GALNT13: variants seen among roughly 807,000 people sequenced by gnomAD.
GALNT13 encodes UDP-GalNAc:polypeptide N-acetylgalactosaminyltransferase 13.
GALNT13 carries 28 observed loss-of-function variants against 64.2 expected under a neutral mutation model. The ratio of observed to expected loss-of-function variants is 0.44; its 90% CI spans 0.32 to 0.60. GALNT13 has a LOEUF of 0.60. GALNT13 is among the 20% of genes least tolerant of loss of function. GALNT13 has a pLI of 0.05. For synonymous variants in GALNT13, 214 were observed against 224.6 expected (o/e 0.95, Z 0.42); for missense variants, 577 against 669.8 (o/e 0.86, Z 1.53).
the GALNT13 span, among the ~76,000 whole-genome samples, chr2:153,360,975 A>T: frequency 6.6e-6 from 1 of 152,054 alleles, no homozygotes; most frequent in Non-Finnish European, 1.5e-5. Flanking sequence ...TCCTACTGGC[A>T]TCAGATTGGT....
At chr2:154,216,009 A>T (rs1283720080) in intron 4 of GALNT13, among the ~76,000 whole-genome samples, 2 of 151,844 alleles carry the variant, frequency 1.3e-5, no homozygotes, top group African/African-American at 4.8e-5. Flanking sequence ...GAAATATAAA[A>T]CAAATTAAAT....
the GALNT13 span, among the ~76,000 whole-genome samples, chr2:153,479,888 C>T: frequency 2.9e-3 from 448 of 152,204 alleles, 4 homozygotes; most frequent in African/African-American, 0.011. Flanking sequence ...TGCATGTTCC[C>T]GCTCCCCCTT....
At chr2:153,482,615 A>G in the GALNT13 span, among the ~76,000 whole-genome samples, 5 of 152,252 alleles carry the variant, frequency 3.3e-5, no homozygotes, top group Middle Eastern at 3.4e-3. Flanking sequence ...GCTTACAGAC[A>G]TGCACCACCA....
chr2:154,189,534 G>A (rs1036541094), intron 4 of GALNT13, among the ~76,000 whole-genome samples: 62 of 149,538 alleles, frequency 4.1e-4, no homozygotes, highest in African/African-American at 1.4e-3. Flanking sequence ...GAGTCCTCAC[G>A]TCCGCACCTG....
chr2:153,244,851 A>G, the GALNT13 span, among the ~76,000 whole-genome samples: 1 of 152,182 alleles, frequency 6.6e-6, no homozygotes, highest in African/African-American at 2.4e-5. Context: ...TCCTGCTCCC[A>G]TGGAGCCCAG....
chr2:153,431,694 T>C, the GALNT13 span, among the ~76,000 whole-genome samples: 2 of 152,224 alleles, frequency 1.3e-5, no homozygotes, highest in Non-Finnish European at 2.9e-5. Flanking sequence ...TCCAGCTTTC[T>C]GCATCTGTCA....
chr2:153,363,623 T>C, the GALNT13 span, among the ~76,000 whole-genome samples: 1 of 152,086 alleles, frequency 6.6e-6, no homozygotes, highest in South Asian at 2.1e-4. Context: ...ACAAATAAAC[T>C]AGAAAATCTA....
Position 154,357,247 on chromosome 2 carries a change from T to C in GALNT13, c.1157-38744T>C, listed in dbSNP as rs559418489. 4.6e-4 allele frequency among the ~76,000 whole-genome samples: 70 copies of C among 152,098 alleles called. 1 individual carries two copies. The highest frequency in any genetic ancestry group is 6.8e-4 in the Non-Finnish European group (46 of 67,972). ...CTTTCTAGGAGAGTCAAAAATTCTT[T>C]GTAGCACTCTTGGATGACTTATTTG... On this transcript the variant is annotated intron_variant, in intron 9 of 12. Coordinates refer to ENST00000392825, the MANE Select transcript of GALNT13 (RefSeq NM_052917.4).
intron 4 of GALNT13, among the ~76,000 whole-genome samples, chr2:154,203,069 G>A (rs140470780): frequency 0.015 from 2,213 of 151,952 alleles, 39 homozygotes; most frequent in Non-Finnish European, 0.021. Flanking sequence ...TTGTGTTTTC[G>A]GGGGCTATAA....
At chr2:154,033,918 G>A (rs1035914879) in intron 3 of GALNT13, among the ~76,000 whole-genome samples, 15 of 152,002 alleles carry the variant, frequency 9.9e-5, no homozygotes, top group African/African-American at 3.4e-4. Flanking sequence ...CAGCTCTGGC[G>A]ACAGAGCAGG....
At chr2:153,944,368 A>C in intron 2 of GALNT13, 26 bp from the exon 3 acceptor site, 2 of 732,540 alleles carry the variant, frequency 2.7e-6, no homozygotes, top group Admixed American at 5.4e-5. Context: ...ACAATTAATG[A>C]AATTTTCTTC....
intron 3 of GALNT13, among the ~76,000 whole-genome samples, chr2:153,953,119 C>T (rs1301121393): frequency 6.6e-6 from 1 of 152,086 alleles, no homozygotes; most frequent in Non-Finnish European, 1.5e-5. Context: ...TACCTTGCTT[C>T]CTTCAATCCA....
the GALNT13 span, among the ~76,000 whole-genome samples, chr2:153,621,393 G>T: frequency 6.6e-6 from 1 of 152,230 alleles, no homozygotes; most frequent in Non-Finnish European, 1.5e-5. Context: ...TATTGGGTCA[G>T]ATCTGAAGCC....
the GALNT13 span, among the ~76,000 whole-genome samples, chr2:153,431,843 C>T: frequency 1.3e-5 from 2 of 152,184 alleles, no homozygotes; most frequent in Non-Finnish European, 2.9e-5. Context: ...TCTCAACAAT[C>T]AGTGAAGACA....
chr2:154,378,438 G>A (rs1022726159), intron 9 of GALNT13, among the ~76,000 whole-genome samples: 3 of 152,048 alleles, frequency 2.0e-5, no homozygotes, highest in African/African-American at 7.2e-5. Context: ...TGAGCTCTAG[G>A]AAATATATTT....
intron 4 of GALNT13, among the ~76,000 whole-genome samples, chr2:154,172,305 T>A (rs1340878722): frequency 7.9e-5 from 12 of 152,060 alleles, no homozygotes; most frequent in Non-Finnish European, 5.9e-5. Flanking sequence ...AACATTCAAA[T>A]AGTTCTCTAC....
At chr2:153,539,521 T>TA in the GALNT13 span, among the ~76,000 whole-genome samples, 1 of 152,016 alleles carries the variant, frequency 6.6e-6, no homozygotes, top group Admixed American at 6.6e-5. Flanking sequence ...TGTTTATGGT[T>TA]TTAGGTCTAA....
chr2:154,182,179 G>A (rs1294898872), intron 4 of GALNT13, among the ~76,000 whole-genome samples: 1 of 152,122 alleles, frequency 6.6e-6, no homozygotes, highest in East Asian at 1.9e-4. Context: ...GCCCAACCCA[G>A]CAGTGCTAGT....
At chr2:153,268,992 G>A in the GALNT13 span, among the ~76,000 whole-genome samples, 3 of 152,092 alleles carry the variant, frequency 2.0e-5, no homozygotes, top group African/African-American at 4.8e-5. Flanking sequence ...GTGATGGGAG[G>A]GACTGCCTTG....
Sources: allele counts gnomAD v4.1 joint callset (sites outside exome capture counted in the v4.1 genomes callset), GRCh38; gene constraint gnomAD v4.1.1; transcripts MANE v1.5; gene names NCBI Gene and HGNC (gene_info 2026-07-23, HGNC 2026-07-21).